NLRP4: variants seen among roughly 807,000 people sequenced by gnomAD.
The protein encoded by NLRP4 is NLR family pyrin domain containing 4, also known as NACHT, LRR and PYD domains-containing protein 4.
Under a neutral mutation model 84.7 loss-of-function variants are expected in NLRP4, and 44 were observed. The observed-to-expected ratio is 0.52, with a 90% CI of 0.41 to 0.67. The LOEUF (loss-of-function observed/expected upper bound fraction) is 0.67. Among genes scored for constraint, NLRP4 ranks in the 30% least tolerant of loss-of-function variants. NLRP4 has a pLI of 0.00. For missense variants in NLRP4, 1,260 were observed against 1,219.4 expected (o/e 1.03, Z -0.50); for synonymous variants, 544 against 476.4 (o/e 1.14, Z -1.85).
intron 1 of NLRP4, among the ~76,000 whole-genome samples, chr19:55,837,201 C>A (rs1983359729): frequency 6.6e-6 from 1 of 152,046 alleles, no homozygotes; most frequent in African/African-American, 2.4e-5. Flanking sequence ...TAGGAACATT[C>A]AGAATCCTCT....
At position 55,844,344 on chromosome 19, in the gene NLRP4, C is replaced by CATG. The variant is rs546844595; in HGVS notation, c.-66+7413_-66+7415dup. On this transcript the variant is annotated intron_variant, in intron 1 of 9. Coordinates refer to ENST00000301295, the MANE Select transcript of NLRP4 (RefSeq NM_134444.5). ...TATTGCCCAGGCTGGAGTGCAGTGGCATGATCTCAGCTCACTGTAACCTCC... is the reference window on the plus strand; with the variant it reads ...TATTGCCCAGGCTGGAGTGCAGTGGCATGATGATCTCAGCTCACTGTAACCTCC... Among the ~76,000 whole-genome samples the CATG allele has an allele frequency of 9.5e-3, 1,453 of 152,166 alleles. 16 individuals carry two copies. The highest frequency in any genetic ancestry group is 0.065 in the South Asian group (312 of 4,812).
chr19:55,858,754 G>A lies in NLRP4; in HGVS notation c.1361G>A (p.Cys454Tyr), dbSNP rs772806147. Residue 454 changes from cysteine (C) to tyrosine (Y), a missense_variant, in exon 3 of 10, where the codon TGT (cysteine) becomes TAT (tyrosine). Physicochemically the swap from Cys to Tyr is radical, Grantham distance 194. Around this residue, in one of 3 missense-constraint regions of NLRP4, gnomAD observed 712 missense variants for 669.2 expected, o/e 1.06. Transcript: ENST00000301295. The surrounding 1 kb of genome is among the most constrained non-coding windows in gnomAD (Gnocchi z 4.2). ...AGCTCCTACGTGTTCCTCCACGTGT[G>A]TATCCAGGAGTTCTGTGCCGCCTTG... is the stretch of plus-strand genomic sequence containing the variant. ...RESSYVFLHV[C>Y]IQEFCAALFY... 1.9e-6 allele frequency: 3 copies of A among 1,614,186 alleles called. No individual in the cohort carries two copies. Among genetic ancestry groups the A allele is most frequent in the East Asian group, 4.5e-5 (2 of 44,880 alleles).
intron 1 of NLRP4, among the ~76,000 whole-genome samples, chr19:55,850,720 G>A (rs1392072746): frequency 7.1e-6 from 1 of 140,200 alleles, no homozygotes; most frequent in Non-Finnish European, 1.5e-5. Flanking sequence ...CGAGGCTGCG[G>A]TGTACTTTCC....
chr19:55,859,115 A>G lies in NLRP4; in HGVS notation c.1722A>G (p.Gln574=). 2 of 1,614,074 alleles carry G rather than the reference A, an allele frequency of 1.2e-6. No homozygotes were observed. The highest frequency in any genetic ancestry group is 1.7e-6 in the Non-Finnish European group (2 of 1,179,916). Residue 574 remains glutamine (Q), a synonymous_variant, in exon 3 of 10, where the codon CAA becomes CAG. Transcript: ENST00000301295. The part of the protein sequence containing the change: ...AFVKQAVNLL[Q]EANFHIIDNV... ...TGAAGCAGGCAGTGAACCTCCTCCA[A>G]GAAGCTAACTTTCATATTATTGACA... is the stretch of plus-strand genomic sequence containing the variant.
At chr19:55,853,718 T>C (rs1984261051) in intron 2 of NLRP4, among the ~76,000 whole-genome samples, 1 of 151,206 alleles carries the variant, frequency 6.6e-6, no homozygotes, top group South Asian at 2.1e-4. Flanking sequence ...CTAGACTCAC[T>C]CTTTCTTTCT....
At position 55,874,908 on chromosome 19, in the gene NLRP4, G is replaced by T. The variant is rs536803246; in HGVS notation, c.2526-2088G>T. Among the ~76,000 whole-genome samples, 72 of 152,110 alleles carry T rather than the reference G, an allele frequency of 4.7e-4. 3 individuals carry two copies. In the South Asian group the frequency reaches 0.012, roughly 25 times the overall value. The stretch of plus-strand genomic sequence containing the variant: ...AGCAGAATCCATAAATGTATTAAAA[G>T]AATAAACATAATGACTAAGTTGGGC... On this transcript the variant is annotated intron_variant, in intron 7 of 9. Coordinates refer to ENST00000301295, the MANE Select transcript of NLRP4 (RefSeq NM_134444.5).
At chr19:55,850,234 G>A (rs1411950046) in intron 1 of NLRP4, among the ~76,000 whole-genome samples, 3 of 135,284 alleles carry the variant, frequency 2.2e-5, no homozygotes, top group Admixed American at 1.4e-4. Flanking sequence ...AATTTCCGTG[G>A]CTGCGGTGTA....
intron 7 of NLRP4, among the ~76,000 whole-genome samples, chr19:55,872,971 A>T (rs1985243425): frequency 6.6e-6 from 1 of 152,196 alleles, no homozygotes; most frequent in African/African-American, 2.4e-5. Flanking sequence ...GAAGAGTAAT[A>T]GTGGAAACCA....
rs1338168525 is a variant in NLRP4 at position 55,859,379 on chromosome 19, C to CACAAA, written c.1856+133_1856+134insAAACA. Reference sequence around the variant, plus strand: ...TTTTTTCTGCCACAAAACCTCAGCTCACATCCTGGCCCAACATTTTAGGAG... The same window carrying CACAAA: ...TTTTTTCTGCCACAAAACCTCAGCTCACAAAACATCCTGGCCCAACATTTTAGGAG... On this transcript the variant is annotated intron_variant, in intron 3 of 9. Coordinates refer to ENST00000301295, the MANE Select transcript of NLRP4 (RefSeq NM_134444.5). The CACAAA allele has an allele frequency of 4.2e-6, 3 of 712,706 alleles. No homozygotes were observed. The African/African-American group carries it at 5.3e-5, about 13-fold the overall frequency. The allele number at this position is 712,706 out of a possible 1,614,324, so 44.1% of individuals were successfully genotyped here. A position where few individuals can be genotyped will look rare whatever the true frequency, so the allele number is the denominator to read the frequency against.
chr19:55,839,152 G>A (rs910374741), intron 1 of NLRP4, among the ~76,000 whole-genome samples: 1 of 151,910 alleles, frequency 6.6e-6, no homozygotes, highest in East Asian at 1.9e-4. Context: ...ACGGGCCTCA[G>A]TGTGTGAATG....
Position 55,861,983 on chromosome 19 carries a change from T to C in NLRP4, c.2019-9T>C, listed in dbSNP as rs749127609. On this transcript the variant is annotated splice_polypyrimidine_tract_variant and intron_variant, in intron 4 of 9. Transcript: ENST00000301295. ...TGAAACTCATCCAAAATTTTCTTTG[T>C]TTTTGCAGAATAAATAACGTTTCCT... 1 of 1,611,158 alleles carries C rather than the reference T, an allele frequency of 6.2e-7. No homozygotes were observed. Among genetic ancestry groups the C allele is most frequent in the Admixed American group, 1.7e-5 (1 of 59,904 alleles).
intron 1 of NLRP4, among the ~76,000 whole-genome samples, chr19:55,850,029 CCGAGACTGCGGTGTGAT>C (rs1983994636): frequency 7.0e-6 from 1 of 142,546 alleles, no homozygotes; most frequent in Non-Finnish European, 1.5e-5. Context: ...GGTGTGATTT[CCGAGACTGCGGTGTGAT>C]TTCCGTAGCT....
chr19:55,868,010 A>AGACTTGAG (rs1438183741), intron 6 of NLRP4, 134 bp downstream of exon 6: 4 of 765,538 alleles, frequency 5.2e-6, no homozygotes, highest in Non-Finnish European at 8.6e-6. Flanking sequence ...GAATCAGAAA[A>AGACTTGAG]GACTTGAGTT....
At chr19:55,865,312 A>C (rs1276907659) in intron 5 of NLRP4, among the ~76,000 whole-genome samples, 1 of 152,254 alleles carries the variant, frequency 6.6e-6, no homozygotes, top group African/African-American at 2.4e-5. Context: ...TACAAAGGAC[A>C]TCATCTTACT....
At chr19:55,863,854 C>T (rs939437737) in intron 5 of NLRP4, among the ~76,000 whole-genome samples, 1 of 152,066 alleles carries the variant, frequency 6.6e-6, no homozygotes, top group Non-Finnish European at 1.5e-5. Flanking sequence ...TTTATTTTTG[C>T]AATTAAATAA....
chr19:55,856,678 G>T (rs1010961966), intron 2 of NLRP4, among the ~76,000 whole-genome samples: 1 of 151,852 alleles, frequency 6.6e-6, no homozygotes, highest in Non-Finnish European at 1.5e-5. Context: ...ACCACGCCCG[G>T]CTAATTTTTG....
At chr19:55,868,777 A>G (rs1985060741) in intron 6 of NLRP4, among the ~76,000 whole-genome samples, 1 of 152,138 alleles carries the variant, frequency 6.6e-6, no homozygotes, top group Non-Finnish European at 1.5e-5. Flanking sequence ...GTATTATAAT[A>G]TAGGCTGCCT....
rs141860232 is a variant in NLRP4, at chr19:55,880,333, G to A, written c.2868-1137G>A. Among the ~76,000 whole-genome samples the A allele has an allele frequency of 2.4e-3, 361 of 152,292 alleles. 3 individuals carry two copies. Among genetic ancestry groups the A allele is most frequent in the African/African-American group, 8.6e-3 (356 of 41,560 alleles). On this transcript the variant is annotated intron_variant, in intron 9 of 9. Transcript: ENST00000301295. ...CTACCAAAGTAGACACGTGATTAAG[G>A]GGAAGGACTCAAATTGTCTGCATTC...
chr19:55,849,852 G>A (rs150793177), intron 1 of NLRP4, among the ~76,000 whole-genome samples: 1,199 of 91,264 alleles, frequency 0.013, 128 homozygotes, highest in African/African-American at 0.082. Context: ...TAATTTCCGA[G>A]ACTGCGGTGT....
Sources: allele counts gnomAD v4.1 joint callset (sites outside exome capture counted in the v4.1 genomes callset), GRCh38; gene constraint gnomAD v4.1.1; regional missense constraint gnomAD v4.1.1; non-coding constraint Gnocchi (gnomAD v3.1); transcripts MANE v1.5; gene names NCBI Gene and HGNC (gene_info 2026-07-23, HGNC 2026-07-21).